APLP2: variants seen among roughly 807,000 people sequenced by gnomAD.
The protein encoded by APLP2 is CDEI box-binding protein.
In APLP2, 53 loss-of-function variants were observed where a neutral mutation model predicts 89.9. The observed-to-expected ratio is 0.59, with a 90% CI of 0.47 to 0.74. The LOEUF is 0.74. Among genes scored for constraint, APLP2 ranks in the 30% least tolerant of loss-of-function variants. APLP2 has a pLI of 0.00. For synonymous variants in APLP2, 372 were observed against 348.6 expected (o/e 1.07, Z -0.75); for missense variants, 973 against 975.9 (o/e 1.00, Z 0.04).
chr11:130,120,582 T>C (rs187482990), intron 3 of APLP2, 124 bp from the exon 4 acceptor site: 1 of 702,894 alleles, frequency 1.4e-6, no homozygotes, highest in Non-Finnish European at 2.6e-6. Flanking sequence ...GTACGAGATG[T>C]GCATCTGCTC....
intron 3 of APLP2, among the ~76,000 whole-genome samples, chr11:130,117,462 A>G (rs1486880678): frequency 6.7e-6 from 1 of 149,864 alleles, no homozygotes; most frequent in African/African-American, 2.5e-5. Context: ...TTTTTTTCTG[A>G]GACGGAGTCT....
intron 3 of APLP2, among the ~76,000 whole-genome samples, chr11:130,117,315 G>C (rs1032222875): frequency 1.3e-5 from 2 of 152,142 alleles, no homozygotes; most frequent in East Asian, 3.8e-4. Flanking sequence ...AAAAGGTTTT[G>C]ATTTTAAACT....
chr11:130,122,992 G>GTTT (rs1033002078), intron 6 of APLP2, among the ~76,000 whole-genome samples: 1 of 146,470 alleles, frequency 6.8e-6, no homozygotes, highest in Non-Finnish European at 1.5e-5. Context: ...GGGGCCTGCA[G>GTTT]TTTTTTTTTT....
intron 16 of APLP2, among the ~76,000 whole-genome samples, 157 bp downstream of exon 16, chr11:130,142,231 A>G (rs937618947): frequency 6.6e-6 from 1 of 152,172 alleles, no homozygotes; most frequent in African/African-American, 2.4e-5. Flanking sequence ...GTTTTTGGAA[A>G]TCAGCCCCTG....
At chr11:130,127,614 G>T in intron 8 of APLP2, 152 bp from the exon 9 acceptor site, 1 of 642,938 alleles carries the variant, frequency 1.6e-6, no homozygotes. Context: ...ACCTTCTGAG[G>T]CAGTAACAAT....
rs149957506 is a variant in APLP2, at chr11:130,125,178, C to T, written c.1090+1399C>T. ...AAGGGGCTGAGGCTGGCGGATGTGC[C>T]GGCTTCATGAGTGGGTGATTCCACA... On this transcript the variant is annotated intron_variant, in intron 7 of 16. Coordinates refer to ENST00000338167, the MANE Select transcript of APLP2 (RefSeq NM_001142276.2). Among the ~76,000 whole-genome samples the T allele has an allele frequency of 3.3e-4, 51 of 152,262 alleles. 1 individual carries two copies. In the East Asian group the frequency reaches 8.3e-3, roughly 25 times the overall value.
intron 1 of APLP2, among the ~76,000 whole-genome samples, chr11:130,076,995 A>G (rs989223844): frequency 6.6e-6 from 1 of 152,234 alleles, no homozygotes; most frequent in South Asian, 2.1e-4. Flanking sequence ...TGGGCTTATC[A>G]GATGGTGATA....
intron 11 of APLP2, among the ~76,000 whole-genome samples, chr11:130,132,498 G>A (rs1473558498): frequency 6.6e-6 from 1 of 152,104 alleles, no homozygotes; most frequent in Non-Finnish European, 1.5e-5. Flanking sequence ...AAAAGCTTGT[G>A]GGAGCTACAG....
At chr11:130,130,298 G>A (rs1950799780) in intron 11 of APLP2, 132 bp downstream of exon 11, 10 of 1,250,438 alleles carry the variant, frequency 8.0e-6, no homozygotes, top group South Asian at 7.0e-5. Flanking sequence ...TTTGATTTCC[G>A]AAGACATTCG....
rs769235645 is a variant in APLP2 at position 130,126,720 on chromosome 11, A to G, written c.1111A>G (p.Thr371Ala). 37 of 1,613,936 alleles carry G rather than the reference A, an allele frequency of 2.3e-5. No homozygotes were observed. The highest frequency in any genetic ancestry group is 2.2e-4 in the South Asian group (20 of 91,086). ...TTCAGTTCCTCCAACTCCTCTGCCAACCAATGATGTTGATGTGTATTTCGA... is the reference window on the plus strand; with the variant it reads ...TTCAGTTCCTCCAACTCCTCTGCCAGCCAATGATGTTGATGTGTATTTCGA... The part of the protein sequence containing the change: ...KAMIPPTPLP[T>A]NDVDVYFETS... Residue 371 changes from threonine to alanine, a missense_variant, in exon 8 of 17, where the codon ACC becomes GCC. Coordinates refer to ENST00000338167, the MANE Select transcript of APLP2 (RefSeq NM_001142276.2).
chr11:130,124,303 G>C (rs1950152102), intron 7 of APLP2, among the ~76,000 whole-genome samples: 1 of 152,292 alleles, frequency 6.6e-6, no homozygotes, highest in Non-Finnish European at 1.5e-5. Flanking sequence ...ATGCACTCTA[G>C]AGAGAGCTAG....
chr11:130,122,548 T>C (rs987743289), intron 6 of APLP2, 35 bp downstream of exon 6: 5 of 1,613,020 alleles, frequency 3.1e-6, no homozygotes, highest in Admixed American at 3.3e-5. Flanking sequence ...TTGAAATCCA[T>C]GTGGTAATTA....
intron 10 of APLP2, among the ~76,000 whole-genome samples, chr11:130,129,820 A>G (rs906256197): frequency 1.6e-4 from 24 of 152,216 alleles, no homozygotes; most frequent in African/African-American, 5.8e-4. Context: ...AAAATACTGT[A>G]TGTTAAGGAG....
At chr11:130,124,831 T>C (rs764597059) in intron 7 of APLP2, among the ~76,000 whole-genome samples, 1 of 152,238 alleles carries the variant, frequency 6.6e-6, no homozygotes, top group Non-Finnish European at 1.5e-5. Flanking sequence ...TTAGGGAACC[T>C]TGGTGAATAA....
intron 1 of APLP2, among the ~76,000 whole-genome samples, chr11:130,105,441 G>A (rs1947551605): frequency 6.6e-6 from 1 of 152,130 alleles, no homozygotes; most frequent in Non-Finnish European, 1.5e-5. Context: ...GGGCATCAAA[G>A]CTACCCTTTC....
At chr11:130,107,451 A>G (rs1179541175) in intron 1 of APLP2, among the ~76,000 whole-genome samples, 1 of 152,154 alleles carries the variant, frequency 6.6e-6, no homozygotes, top group African/African-American at 2.4e-5. Context: ...TCGTGAGTGA[A>G]CTCCCATTCA....
rs557553506 is a variant in APLP2 at position 130,080,980 on chromosome 11, C to T, written c.105+10898C>T. ...CTGGGATTACAGGCGTGAGCCACCA[C>T]GTCCGGTCGTTGGATTTATCTTTCT... On this transcript the variant is annotated intron_variant, in intron 1 of 16. Coordinates refer to ENST00000338167, the MANE Select transcript of APLP2 (RefSeq NM_001142276.2). 1.6e-4 allele frequency among the ~76,000 whole-genome samples: 25 copies of T among 151,896 alleles called. No individual in the cohort carries two copies. In the East Asian group the frequency reaches 1.9e-3, roughly 12 times the overall value.
chr11:130,144,728 C>T lies in APLP2; in HGVS notation c.*1280C>T, dbSNP rs995859229. The T allele has an allele frequency of 1.3e-5, 2 of 152,458 alleles. No homozygotes were observed. Among genetic ancestry groups the T allele is most frequent in the African/African-American group, 4.8e-5 (2 of 41,402 alleles). 9.4% of individuals were successfully genotyped at this position (152,458 alleles called of 1,614,324 possible). On this transcript the variant is annotated 3_prime_UTR_variant, in exon 17 of 17. Coordinates refer to ENST00000338167, the MANE Select transcript of APLP2 (RefSeq NM_001142276.2). ...CTCTACCCACTATGCACAGATTAAACTTCACCTACAAACTCCTTAATATGA... is the reference window on the plus strand; with the variant it reads ...CTCTACCCACTATGCACAGATTAAATTTCACCTACAAACTCCTTAATATGA...
chr11:130,093,853 C>G (rs1282686274), intron 1 of APLP2, among the ~76,000 whole-genome samples: 4 of 151,788 alleles, frequency 2.6e-5, no homozygotes, highest in Admixed American at 6.6e-5. Context: ...AAGCTATGCT[C>G]CTGCCTCAGC....
Sources: gnomAD v4.1 joint callset for allele counts (sites outside exome capture counted in the v4.1 genomes callset) on GRCh38, gnomAD v4.1.1 for gene constraint, MANE v1.5 for transcripts, NCBI Gene and HGNC (gene_info 2026-07-23, HGNC 2026-07-21) for gene names.